The following RHOBTB1 variants were observed in gnomAD, a reference collection of about 807,000 sequenced individuals.
The protein encoded by RHOBTB1 is rho-related BTB domain-containing protein 1.
In RHOBTB1, 40 loss-of-function variants were observed where a neutral mutation model predicts 71.6. The ratio of observed to expected loss-of-function variants is 0.56; its 90% CI spans 0.43 to 0.73. The LOEUF (loss-of-function observed/expected upper bound fraction) is 0.73, where lower values mean the gene tolerates loss of function less well. Ranked by LOEUF, RHOBTB1 falls within the 30% of genes least tolerant of loss-of-function variation. The probability of loss-of-function intolerance (pLI) is 0.00; values close to 1 mark genes in which losing one functional copy is unlikely to be tolerated. For synonymous variants in RHOBTB1, 319 were observed against 334.9 expected (o/e 0.95, Z 0.52); for missense variants, 797 against 894.0 (o/e 0.89, Z 1.38).
At chr10:60,970,942 T>A (rs550041677) in intron 2 of RHOBTB1, among the ~76,000 whole-genome samples, 9 of 152,206 alleles carry the variant, frequency 5.9e-5, no homozygotes, top group African/African-American at 1.7e-4. Context: ...AATATATGCA[T>A]AACTCACCAT....
At chr10:60,924,929 T>A (rs2083780366) in intron 2 of RHOBTB1, among the ~76,000 whole-genome samples, 1 of 152,220 alleles carries the variant, frequency 6.6e-6, no homozygotes, top group Non-Finnish European at 1.5e-5. Context: ...CATGTTAAAT[T>A]GTAATCCCCA....
chr10:60,976,030 G>C (rs558054145), intron 2 of RHOBTB1, among the ~76,000 whole-genome samples: 1 of 151,984 alleles, frequency 6.6e-6, no homozygotes, highest in Non-Finnish European at 1.5e-5. Context: ...TGTAAGGCTA[G>C]GTAAGGACAA....
intron 2 of RHOBTB1, among the ~76,000 whole-genome samples, chr10:60,928,675 A>G (rs947908852): frequency 3.9e-5 from 6 of 152,118 alleles, no homozygotes; most frequent in African/African-American, 1.4e-4. Flanking sequence ...GGTAAAAAAT[A>G]CAGTTACATA....
intron 2 of RHOBTB1, among the ~76,000 whole-genome samples, chr10:60,958,755 C>T (rs1403045846): frequency 2.0e-5 from 3 of 152,002 alleles, no homozygotes; most frequent in Non-Finnish European, 2.9e-5. Context: ...TGTGCACCAC[C>T]ATGCCCAGTA....
intron 8 of RHOBTB1, among the ~76,000 whole-genome samples, chr10:60,876,588 T>G (rs989141944): frequency 1.3e-5 from 2 of 152,226 alleles, no homozygotes. Context: ...AACCTGTGGA[T>G]AGTTAGATGG....
intron 1 of RHOBTB1, among the ~76,000 whole-genome samples, chr10:60,995,511 G>C (rs1207576437): frequency 6.6e-6 from 1 of 152,078 alleles, no homozygotes. Flanking sequence ...TGTTTAAAAG[G>C]CTTTGGGGAA....
rs1189444146 is a variant in RHOBTB1 at position 60,869,881 on chromosome 10, C to G, written c.*1601G>C. ...CTGGGCCTCTCCTAAGATCTTCTAT[C>G]TGGTGTTTCCACTGCCAGTAATAAA... On this transcript the variant is annotated 3_prime_UTR_variant, in exon 11 of 11. Coordinates refer to ENST00000337910, the MANE Select transcript of RHOBTB1 (RefSeq NM_014836.5). 6.6e-6 allele frequency: 1 copy of G among 152,630 alleles called. No individual in the cohort carries two copies. The highest frequency in any genetic ancestry group is 1.5e-5 in the Non-Finnish European group (1 of 68,036). 9.5% of individuals were successfully genotyped at this position (152,630 alleles called of 1,614,324 possible). A position where few individuals can be genotyped will look rare whatever the true frequency, so the allele number is the denominator to read the frequency against.
chr10:60,906,787 A>T (rs2082701846), intron 4 of RHOBTB1, among the ~76,000 whole-genome samples: 1 of 152,202 alleles, frequency 6.6e-6, no homozygotes, highest in East Asian at 1.9e-4. Flanking sequence ...AGATCAATGA[A>T]GGAAATTTTA....
chr10:60,958,906 T>G (rs1055493482), intron 2 of RHOBTB1, among the ~76,000 whole-genome samples: 7 of 151,950 alleles, frequency 4.6e-5, no homozygotes, highest in Admixed American at 4.6e-4. Context: ...TGGCCCAGAG[T>G]AGGATATTTA....
chr10:60,915,880 C>T (rs1279646507), intron 2 of RHOBTB1, among the ~76,000 whole-genome samples: 4 of 152,180 alleles, frequency 2.6e-5, no homozygotes, highest in African/African-American at 9.7e-5. Flanking sequence ...CTCACCATTT[C>T]TTCTCTCCTT....
At chr10:60,971,364 A>G (rs969291449) in intron 2 of RHOBTB1, among the ~76,000 whole-genome samples, 1 of 152,008 alleles carries the variant, frequency 6.6e-6, no homozygotes, top group African/African-American at 2.4e-5. Context: ...CCAATGGAAC[A>G]GAACAGAGGC....
chr10:60,932,574 A>G (rs971277843), intron 2 of RHOBTB1, among the ~76,000 whole-genome samples: 2 of 150,600 alleles, frequency 1.3e-5, no homozygotes, highest in South Asian at 4.2e-4. Flanking sequence ...TGGAGGCCCT[A>G]TCGTCCTCAT....
At position 60,895,251 on chromosome 10, in the gene RHOBTB1, A is replaced by C. The variant is rs561960430; in HGVS notation, c.297-2256T>G. Among the ~76,000 whole-genome samples the C allele has an allele frequency of 2.9e-3, 444 of 152,360 alleles. 1 individual carries two copies. The highest frequency in any genetic ancestry group is 9.8e-3 in the African/African-American group (406 of 41,596). On this transcript the variant is annotated intron_variant, in intron 4 of 10. Coordinates refer to ENST00000337910, the MANE Select transcript of RHOBTB1 (RefSeq NM_014836.5). ...AAAGAAAAGAGGTTGTGCTGAGAGC[A>C]ATACTACCTCTGAAGATAAAATAAC...
intron 6 of RHOBTB1, among the ~76,000 whole-genome samples, chr10:60,887,346 T>G (rs2081636208): frequency 6.6e-6 from 1 of 152,190 alleles, no homozygotes; most frequent in African/African-American, 2.4e-5. Flanking sequence ...TGGCAGGGAT[T>G]ATAAAAGATA....
At chr10:60,922,414 T>C (rs2083619434) in intron 2 of RHOBTB1, among the ~76,000 whole-genome samples, 1 of 152,184 alleles carries the variant, frequency 6.6e-6, no homozygotes, top group African/African-American at 2.4e-5. Context: ...TTAGTCTGTA[T>C]GGAGCCTCTA....
At chr10:60,992,429 G>A (rs536136055) in intron 1 of RHOBTB1, among the ~76,000 whole-genome samples, 2 of 152,194 alleles carry the variant, frequency 1.3e-5, no homozygotes, top group African/African-American at 4.8e-5. Flanking sequence ...AAAGTCCACA[G>A]ACATGCTGGA....
chr10:60,870,945 T>C lies in RHOBTB1; in HGVS notation c.*537A>G, dbSNP rs1410430783. On this transcript the variant is annotated 3_prime_UTR_variant, in exon 11 of 11. Transcript: ENST00000337910. ...AGAACAAAGATTAAACACTCTCCAA[T>C]TTGCACTTTGGGAGATTTCAGTCCC... 6.6e-6 allele frequency: 1 copy of C among 152,636 alleles called. No homozygotes were observed. The highest frequency in any genetic ancestry group is 1.9e-4 in the East Asian group (1 of 5,200). 9.5% of individuals were successfully genotyped at this position (152,636 alleles called of 1,614,324 possible). A position where few individuals can be genotyped will look rare whatever the true frequency, so the allele number is the denominator to read the frequency against.
chr10:60,930,891 A>G (rs2084205033), intron 2 of RHOBTB1, among the ~76,000 whole-genome samples: 1 of 152,020 alleles, frequency 6.6e-6, no homozygotes. Flanking sequence ...CGACAAATAA[A>G]CGAATCTTTC....
intron 4 of RHOBTB1, among the ~76,000 whole-genome samples, chr10:60,896,413 G>A (rs1215542503): frequency 5.3e-5 from 8 of 152,218 alleles, no homozygotes; most frequent in African/African-American, 1.7e-4. Context: ...TGTTTCAGCT[G>A]TAAAAGAATC....
Sources: gnomAD v4.1 joint callset for allele counts (sites outside exome capture counted in the v4.1 genomes callset) on GRCh38, gnomAD v4.1.1 for gene constraint, MANE v1.5 for transcripts, NCBI Gene and HGNC (gene_info 2026-07-23, HGNC 2026-07-21) for gene names.